The following ROR1 variants were observed in gnomAD, a reference collection of about 807,000 sequenced individuals.
ROR1 encodes ROR family WNT receptor 1.
ROR1 carries 19 observed loss-of-function variants against 78.8 expected under a neutral mutation model. The ratio of observed to expected loss-of-function variants is 0.24; its 90% CI spans 0.17 to 0.35. ROR1 has a LOEUF of 0.35. Ranked by LOEUF, ROR1 falls within the 10% of genes least tolerant of loss-of-function variation. The probability of loss-of-function intolerance (pLI) is 1.00; values close to 1 mark genes in which losing one functional copy is unlikely to be tolerated. For missense variants in ROR1, 917 were observed against 1,177.8 expected (o/e 0.78, Z 3.24); for synonymous variants, 386 against 433.6 (o/e 0.89, Z 1.36).
At chr1:64,033,558 GA>G (rs2100572288) in intron 2 of ROR1, among the ~76,000 whole-genome samples, 1 of 152,274 alleles carries the variant, frequency 6.6e-6, no homozygotes, top group Admixed American at 6.5e-5. Flanking sequence ...TCAAAAACTT[GA>G]AGTGGTTTAG....
chr1:63,828,181 G>A (rs1482882138), intron 1 of ROR1, among the ~76,000 whole-genome samples: 1 of 152,144 alleles, frequency 6.6e-6, no homozygotes, highest in African/African-American at 2.4e-5. Flanking sequence ...ATCCAGGTTT[G>A]GTTGATACTG....
intron 1 of ROR1, among the ~76,000 whole-genome samples, chr1:63,862,659 C>T (rs1645189430): frequency 6.6e-6 from 1 of 152,028 alleles, no homozygotes; most frequent in East Asian, 1.9e-4. Context: ...ACTGCCTCTT[C>T]TTGGGCCCTT....
intron 2 of ROR1, among the ~76,000 whole-genome samples, chr1:64,029,400 T>C (rs778627674): frequency 1.3e-5 from 2 of 152,202 alleles, no homozygotes; most frequent in Non-Finnish European, 2.9e-5. Context: ...ATATACCCTC[T>C]GACTCTCTTC....
At chr1:63,849,446 C>G (rs1023068622) in intron 1 of ROR1, among the ~76,000 whole-genome samples, 1 of 152,078 alleles carries the variant, frequency 6.6e-6, no homozygotes, top group Non-Finnish European at 1.5e-5. Context: ...ACCTGTAATC[C>G]CAGCATTTTT....
intron 1 of ROR1, among the ~76,000 whole-genome samples, chr1:63,940,925 C>A (rs973557411): frequency 3.3e-5 from 5 of 152,168 alleles, no homozygotes; most frequent in African/African-American, 1.2e-4. Context: ...GGCACAGCAT[C>A]ATTTGTGTAG....
At chr1:63,919,349 G>A (rs908241971) in intron 1 of ROR1, among the ~76,000 whole-genome samples, 1 of 152,040 alleles carries the variant, frequency 6.6e-6, no homozygotes, top group African/African-American at 2.4e-5. Context: ...CTACCGAGAG[G>A]TTTTTCTTTT....
intron 1 of ROR1, among the ~76,000 whole-genome samples, chr1:63,912,991 TG>T (rs1645583420): frequency 6.6e-6 from 1 of 152,098 alleles, no homozygotes; most frequent in African/African-American, 2.4e-5. Flanking sequence ...TGTCTTTACT[TG>T]GGGACCATTT....
At chr1:64,137,081 A>G (rs1649138963) in intron 4 of ROR1, among the ~76,000 whole-genome samples, 1 of 152,156 alleles carries the variant, frequency 6.6e-6, no homozygotes. Flanking sequence ...TCCTATAACT[A>G]CATCATCTTC....
chr1:64,154,383 T>A (rs935472482), intron 7 of ROR1, among the ~76,000 whole-genome samples: 52 of 152,322 alleles, frequency 3.4e-4, no homozygotes, highest in African/African-American at 1.3e-3. Context: ...GTTTTTAAAT[T>A]TTTTTCAGTC....
chr1:64,079,450 G>A (rs956266032), intron 4 of ROR1, among the ~76,000 whole-genome samples: 1 of 150,960 alleles, frequency 6.6e-6, no homozygotes, highest in Non-Finnish European at 1.5e-5. Flanking sequence ...CACTGTCTGA[G>A]CAAGAGAATC....
intron 1 of ROR1, among the ~76,000 whole-genome samples, chr1:63,811,801 C>T (rs1175296714): frequency 1.3e-5 from 2 of 151,874 alleles, no homozygotes; most frequent in Non-Finnish European, 2.9e-5. Context: ...TTGAGTTTTC[C>T]CTGTATACTC....
At chr1:63,925,120 A>G (rs1645690781) in intron 1 of ROR1, among the ~76,000 whole-genome samples, 1 of 149,520 alleles carries the variant, frequency 6.7e-6, no homozygotes. Flanking sequence ...CCACTAACTC[A>G]TCATCTAGCA....
At chr1:64,040,792 C>A (rs1646740223) in intron 2 of ROR1, among the ~76,000 whole-genome samples, 1 of 152,170 alleles carries the variant, frequency 6.6e-6, no homozygotes. Flanking sequence ...CAAGGCCCCA[C>A]CTCTTCACCC....
At chr1:64,044,508 G>A (rs117544800) in intron 2 of ROR1, among the ~76,000 whole-genome samples, 1 of 152,110 alleles carries the variant, frequency 6.6e-6, no homozygotes, top group African/African-American at 2.4e-5. Flanking sequence ...TTGCACTTAA[G>A]AATATCTTCC....
intron 1 of ROR1, among the ~76,000 whole-genome samples, chr1:63,987,346 T>C (rs764693535): frequency 6.6e-6 from 1 of 152,204 alleles, no homozygotes; most frequent in Non-Finnish European, 1.5e-5. Context: ...AAGCACTAAA[T>C]AAACAGCAAT....
intron 4 of ROR1, among the ~76,000 whole-genome samples, chr1:64,057,895 T>G (rs751328618): frequency 7.9e-5 from 12 of 152,212 alleles, no homozygotes; most frequent in Non-Finnish European, 1.6e-4. Context: ...GCTGGAATAT[T>G]GATAAGGATG....
intron 8 of ROR1, among the ~76,000 whole-genome samples, chr1:64,162,054 A>G (rs1649958729): frequency 6.6e-6 from 1 of 152,222 alleles, no homozygotes; most frequent in African/African-American, 2.4e-5. Context: ...TAAGAAAGAA[A>G]CAAAGAAAAG....
At chr1:63,927,747 C>G (rs1340140824) in intron 1 of ROR1, among the ~76,000 whole-genome samples, 1 of 152,142 alleles carries the variant, frequency 6.6e-6, no homozygotes, top group Non-Finnish European at 1.5e-5. Context: ...TTTCAGACAA[C>G]TAGAGGTGTA....
chr1:63,792,782 T>TTAA (rs928995674), intron 1 of ROR1, among the ~76,000 whole-genome samples: 15 of 150,944 alleles, frequency 9.9e-5, no homozygotes, highest in African/African-American at 3.6e-4. Flanking sequence ...TGCAACTTAC[T>TTAA]TAACTTCCTT....
Sources: allele counts gnomAD v4.1 joint callset (sites outside exome capture counted in the v4.1 genomes callset), GRCh38; gene constraint gnomAD v4.1.1; transcripts MANE v1.5; gene names NCBI Gene and HGNC (gene_info 2026-07-23, HGNC 2026-07-21).